The following DNAH11 variants were observed in gnomAD, a reference collection of about 807,000 sequenced individuals.
DNAH11 encodes dynein axonemal heavy chain 11, also known as axonemal beta dynein heavy chain 11.
In DNAH11, 442 loss-of-function variants were observed where a neutral mutation model predicts 526.0. The ratio of observed to expected loss-of-function variants is 0.84; its 90% CI spans 0.78 to 0.91. The LOEUF is 0.91. Ranked by LOEUF, DNAH11 falls within the 40% of genes least tolerant of loss-of-function variation. The pLI, the probability that DNAH11 is intolerant of heterozygous loss-of-function variation, is 0.00. For synonymous variants in DNAH11, 2,461 were observed against 1,935.9 expected, an observed-to-expected ratio of 1.27 and a Z score of -7.12; for missense variants, 6,989 against 5,448.7, an observed-to-expected ratio of 1.28 and a Z score of -8.90.
At chr7:21,835,785 C>T (rs1391540217) in intron 65 of DNAH11, among the ~76,000 whole-genome samples, 2 of 150,138 alleles carry the variant, frequency 1.3e-5, no homozygotes, top group East Asian at 3.9e-4. Flanking sequence ...AACTAAAGGG[C>T]ATCCAAATTG....
chr7:21,856,447 G>A (rs1782852845), intron 68 of DNAH11, among the ~76,000 whole-genome samples: 1 of 152,174 alleles, frequency 6.6e-6, no homozygotes, highest in South Asian at 2.1e-4. Flanking sequence ...AAGTAACCAT[G>A]TGTGAGGAGA....
chr7:21,764,754 C>T (rs765876328), intron 54 of DNAH11, among the ~76,000 whole-genome samples: 4 of 152,110 alleles, frequency 2.6e-5, no homozygotes, highest in Non-Finnish European at 4.4e-5. Flanking sequence ...AAAAAAAGTA[C>T]GGAAGTATAT....
intron 54 of DNAH11, among the ~76,000 whole-genome samples, chr7:21,752,942 G>A (rs2128493766): frequency 6.6e-6 from 1 of 152,244 alleles, no homozygotes; most frequent in East Asian, 1.9e-4. Flanking sequence ...TTGAACTCGT[G>A]GCCTCATGTC....
At chr7:21,869,040 GC>G (rs1783396651) in intron 73 of DNAH11, 49 bp downstream of exon 73, 1 of 1,610,652 alleles carries the variant, frequency 6.2e-7, no homozygotes, top group South Asian at 1.1e-5. Flanking sequence ...ACAGAGGAGG[GC>G]CAGGGCAGAG....
intron 30 of DNAH11, 147 bp from the exon 31 acceptor site, chr7:21,681,399 C>T: frequency 1.3e-6 from 1 of 786,402 alleles, no homozygotes; most frequent in Non-Finnish European, 1.9e-6. Flanking sequence ...TGCACTCCAG[C>T]CTGGGTGACA....
At chr7:21,596,389 G>C (rs73070456) in intron 14 of DNAH11, among the ~76,000 whole-genome samples, 24,506 of 152,192 alleles carry the variant, frequency 0.16, 2,597 homozygotes, top group East Asian at 0.5. Context: ...TGTAAGGGAG[G>C]TATTTATCTA....
chr7:21,858,093 C>T (rs1218699584), intron 68 of DNAH11, among the ~76,000 whole-genome samples: 2 of 152,066 alleles, frequency 1.3e-5, no homozygotes, highest in Non-Finnish European at 2.9e-5. Flanking sequence ...GTTGAACAGA[C>T]ATGTAATAAC....
chr7:21,659,044 T>C lies in DNAH11; in HGVS notation c.5328+13T>C, dbSNP rs1264003830. ...CCATAAAAAACAGGTATTACATAGATTTGTGATTTTGAGACATAAAGGAAC... is the reference window on the plus strand; with the variant it reads ...CCATAAAAAACAGGTATTACATAGACTTGTGATTTTGAGACATAAAGGAAC... On this transcript the variant is annotated intron_variant, in intron 30 of 81. Coordinates refer to ENST00000409508, the MANE Select transcript of DNAH11 (RefSeq NM_001277115.2). The C allele has an allele frequency of 1.3e-6, 2 of 1,548,276 alleles. No individual in the cohort carries two copies. Among genetic ancestry groups the C allele is most frequent in the African/African-American group, 2.8e-5 (2 of 72,588 alleles).
intron 45 of DNAH11, among the ~76,000 whole-genome samples, chr7:21,733,872 A>G (rs1001429385): frequency 3.9e-5 from 6 of 152,158 alleles, no homozygotes; most frequent in African/African-American, 1.4e-4. Flanking sequence ...CAGGCACAAA[A>G]AGAAGAAATA....
chr7:21,606,813 C>T, intron 20 of DNAH11, 80 bp downstream of exon 20: 1 of 1,205,470 alleles, frequency 8.3e-7, no homozygotes, highest in Non-Finnish European at 1.2e-6. Flanking sequence ...AATACTGCCA[C>T]ATTTTGTCTT....
chr7:21,887,744 T>C (rs1784178048), intron 76 of DNAH11, among the ~76,000 whole-genome samples: 1 of 152,234 alleles, frequency 6.6e-6, no homozygotes, highest in African/African-American at 2.4e-5. Flanking sequence ...GGGAATCCTT[T>C]AGTAAATACC....
chr7:21,699,185 A>G (rs1410781631), intron 36 of DNAH11, among the ~76,000 whole-genome samples: 1 of 152,230 alleles, frequency 6.6e-6, no homozygotes, highest in African/African-American at 2.4e-5. Flanking sequence ...TGTTAAAATT[A>G]TTCTCATTTA....
chr7:21,788,862 G>A (rs1168183590), intron 60 of DNAH11, among the ~76,000 whole-genome samples: 2 of 152,210 alleles, frequency 1.3e-5, no homozygotes, highest in African/African-American at 4.8e-5. Context: ...TCTTAATGGT[G>A]TTTGACTTAT....
intron 28 of DNAH11, among the ~76,000 whole-genome samples, chr7:21,649,379 A>G (rs902721284): frequency 1.5e-4 from 23 of 152,246 alleles, no homozygotes; most frequent in Non-Finnish European, 7.3e-5. Flanking sequence ...AAAATGGGAA[A>G]CAATTTAAAT....
chr7:21,622,877 C>T (rs1312582518), intron 25 of DNAH11, among the ~76,000 whole-genome samples: 9 of 152,022 alleles, frequency 5.9e-5, no homozygotes, highest in Non-Finnish European at 1.3e-4. Context: ...AGAAGAAAAC[C>T]TAGGCATTAC....
chr7:21,683,128 T>TC (rs1783210858), intron 31 of DNAH11, among the ~76,000 whole-genome samples: 1 of 152,196 alleles, frequency 6.6e-6, no homozygotes, highest in Non-Finnish European at 1.5e-5. Context: ...CTAATATACG[T>TC]GAATATGCAA....
At chr7:21,633,076 A>G (rs1340870741) in intron 25 of DNAH11, among the ~76,000 whole-genome samples, 1 of 152,172 alleles carries the variant, frequency 6.6e-6, no homozygotes, top group Non-Finnish European at 1.5e-5. Flanking sequence ...TTTTAAAACC[A>G]TCAGATCTTG....
At chr7:21,844,321 G>A (rs1782333059) in intron 66 of DNAH11, among the ~76,000 whole-genome samples, 1 of 152,176 alleles carries the variant, frequency 6.6e-6, no homozygotes, top group South Asian at 2.1e-4. Flanking sequence ...AGCTACTGAG[G>A]AGGCTGAGGC....
At chr7:21,851,668 A>G (rs756270598) in intron 66 of DNAH11, 7 of 471,156 alleles carry the variant, frequency 1.5e-5, no homozygotes, top group South Asian at 7.7e-5. Context: ...TGTAGAGACT[A>G]CGAAGACTGG....
Sources: allele counts gnomAD v4.1 joint callset (sites outside exome capture counted in the v4.1 genomes callset), GRCh38; gene constraint gnomAD v4.1.1; transcripts MANE v1.5; gene names NCBI Gene and HGNC (gene_info 2026-07-23, HGNC 2026-07-21).